The following TRANK1 variants were observed in gnomAD, a reference collection of about 807,000 sequenced individuals.
The protein encoded by TRANK1 is TPR and ankyrin repeat-containing protein 1.
Under a neutral mutation model 266.0 loss-of-function variants are expected in TRANK1, and 198 were observed. That is an observed-to-expected ratio of 0.74 (90% confidence interval 0.66 to 0.84). TRANK1 has a LOEUF of 0.84. Among genes scored for constraint, TRANK1 ranks in the 40% least tolerant of loss-of-function variants. The probability of loss-of-function intolerance (pLI) is 0.00; values close to 1 mark genes in which losing one functional copy is unlikely to be tolerated. For missense variants in TRANK1, 3,326 were observed against 3,634.6 expected (o/e 0.92, Z 2.18); for synonymous variants, 1,396 against 1,384.1 (o/e 1.01, Z -0.19).
chr3:36,881,145 T>C (rs568765899), intron 8 of TRANK1, among the ~76,000 whole-genome samples: 1 of 152,016 alleles, frequency 6.6e-6, no homozygotes, highest in South Asian at 2.1e-4. Context: ...TAACATAAAA[T>C]TCATTCTTTT....
chr3:36,850,081 A>G (rs2078966632), intron 15 of TRANK1: 1 of 985,458 alleles, frequency 1.0e-6, no homozygotes, highest in Non-Finnish European at 1.2e-6. Flanking sequence ...TTAAGTCCAG[A>G]GCTCCTTGAG....
intron 1 of TRANK1, among the ~76,000 whole-genome samples, chr3:36,930,555 T>C (rs2080348069): frequency 6.6e-6 from 1 of 152,042 alleles, no homozygotes; most frequent in African/African-American, 2.4e-5. Flanking sequence ...CTAATATACA[T>C]CATACACCAA....
chr3:36,879,515 T>TA (rs1299574148), intron 8 of TRANK1, among the ~76,000 whole-genome samples: 1 of 146,106 alleles, frequency 6.8e-6, no homozygotes, highest in African/African-American at 2.5e-5. Context: ...CACTAGCAAA[T>TA]AAAAAACCAA....
chr3:36,888,514 A>G (rs1293450131), intron 8 of TRANK1, among the ~76,000 whole-genome samples: 4 of 152,256 alleles, frequency 2.6e-5, no homozygotes, highest in African/African-American at 9.6e-5. Flanking sequence ...TCAAAAATCC[A>G]TAGACCCCTT....
intron 1 of TRANK1, among the ~76,000 whole-genome samples, chr3:36,908,772 T>G (rs1226817310): frequency 6.6e-6 from 1 of 152,220 alleles, no homozygotes; most frequent in African/African-American, 2.4e-5. Flanking sequence ...TCCCTGTAAC[T>G]GGCATTATTA....
At chr3:36,892,401 ACTC>A (rs1033276971) in intron 6 of TRANK1, 61 bp from the exon 7 acceptor site, 1 of 1,522,558 alleles carries the variant, frequency 6.6e-7, no homozygotes, top group Non-Finnish European at 8.8e-7. Context: ...GAAGCTTCAA[ACTC>A]CTTTACCCAT....
intron 1 of TRANK1, among the ~76,000 whole-genome samples, chr3:36,939,725 C>G (rs950120467): frequency 1.3e-5 from 2 of 152,246 alleles, no homozygotes; most frequent in East Asian, 1.9e-4. Context: ...CACTGCTGCC[C>G]CTTCATGAAG....
chr3:36,935,035 G>GC, intron 1 of TRANK1, among the ~76,000 whole-genome samples: 1 of 152,228 alleles, frequency 6.6e-6, no homozygotes, highest in African/African-American at 2.4e-5. Flanking sequence ...AAGACCATCA[G>GC]ATCATGTGCT....
At chr3:36,879,814 A>AT in intron 8 of TRANK1, among the ~76,000 whole-genome samples, 1 of 108,228 alleles carries the variant, frequency 9.2e-6, no homozygotes, top group Non-Finnish European at 1.8e-5. Flanking sequence ...AAATATATGT[A>AT]AATATACAAA....
At chr3:36,853,323 T>TAAGGTA (rs1262826855) in intron 13 of TRANK1, among the ~76,000 whole-genome samples, 2 of 152,162 alleles carry the variant, frequency 1.3e-5, no homozygotes. Context: ...CCAGGTGCCC[T>TAAGGTA]TTTCAAACAC....
At chr3:36,907,593 T>A (rs1029196216) in intron 2 of TRANK1, among the ~76,000 whole-genome samples, 11 of 149,282 alleles carry the variant, frequency 7.4e-5, no homozygotes, top group African/African-American at 2.5e-4. Flanking sequence ...CCCTCCGGAG[T>A]AGCTGGGACT....
chr3:36,837,753 C>G (rs1378527278), intron 20 of TRANK1, among the ~76,000 whole-genome samples: 4 of 152,222 alleles, frequency 2.6e-5, no homozygotes, highest in African/African-American at 9.6e-5. Context: ...TTGTAGCCTG[C>G]TGACCACTCT....
Position 36,857,976 on chromosome 3 carries a change from G to A in TRANK1, c.1746C>T (p.Leu582=), listed in dbSNP as rs527927253. The A allele has an allele frequency of 5.6e-6, 9 of 1,599,800 alleles. No homozygotes were observed. In the African/African-American group the frequency reaches 6.7e-5, roughly 12 times the overall value. ...FWSNPTEFDY[L]NPNVQDSNGN... ...CATTGCTGTCCTGGACATTGGGGTTGAGGTAGTCGAATTCAGTGGGGTTGG... is the reference window on the plus strand; with the variant it reads ...CATTGCTGTCCTGGACATTGGGGTTAAGGTAGTCGAATTCAGTGGGGTTGG... The change falls in exon 13 of 24, where the codon CTC becomes CTT. Residue 582 remains leucine (L), a synonymous_variant. Transcript: ENST00000645898. This position sits in a 1 kb window ranked among gnomAD's most constrained non-coding sequence, Gnocchi z 4.3.
chr3:36,836,178 G>A (rs565279057), intron 20 of TRANK1, among the ~76,000 whole-genome samples: 3 of 152,336 alleles, frequency 2.0e-5, no homozygotes, highest in Admixed American at 1.3e-4. Flanking sequence ...CCCAGAAAGC[G>A]AAGGGACTGT....
chr3:36,864,142 G>C (rs1168528513), intron 10 of TRANK1, among the ~76,000 whole-genome samples, 177 bp downstream of exon 10: 1 of 152,194 alleles, frequency 6.6e-6, no homozygotes, highest in African/African-American at 2.4e-5. Flanking sequence ...TTTAGGGGTT[G>C]AAGTTCAGGG....
At position 36,855,307 on chromosome 3, in the gene TRANK1, T is replaced by A; in HGVS notation, c.4415A>T (p.Lys1472Met). ...LTGDTAQSIM[K>M]GVAFRFSDLR... ...ATCGCTGAAGCGGAAGGCCACGCCCTTCATGATGCTCTGGGCCGTGTCCCC... is the reference window on the plus strand; with the variant it reads ...ATCGCTGAAGCGGAAGGCCACGCCCATCATGATGCTCTGGGCCGTGTCCCC... The change falls in exon 13 of 24, where the codon AAG becomes ATG. Residue 1472 changes from lysine (K) to methionine (M), a missense_variant. Physicochemically the swap from Lys to Met is moderately conservative, Grantham distance 95. Transcript: ENST00000645898. 1 of 1,614,050 alleles carries A rather than the reference T, an allele frequency of 6.2e-7. No individual in the cohort carries two copies. Among genetic ancestry groups the A allele is most frequent in the Non-Finnish European group, 8.5e-7 (1 of 1,179,892 alleles).
In TRANK1 at chr3:36,921,422, C is replaced by A. The variant is rs540980939; in HGVS notation, c.24-12968G>T. On this transcript the variant is annotated intron_variant, in intron 1 of 23. Transcript: ENST00000645898. ...TTTATGTTCCAGTGCTATTTCCTTG[C>A]GGCACCGAAAATTTATTTGTAACAT... 2.1e-4 allele frequency among the ~76,000 whole-genome samples: 32 copies of A among 152,276 alleles called. 1 individual carries two copies. Among genetic ancestry groups the A allele is most frequent in the African/African-American group, 7.0e-4 (29 of 41,552 alleles).
At chr3:36,864,536 T>C (rs1011742772) in intron 9 of TRANK1, 56 bp from the exon 10 acceptor site, 7 of 1,459,804 alleles carry the variant, frequency 4.8e-6, no homozygotes, top group Middle Eastern at 1.8e-4. Context: ...CTGTTACAGA[T>C]TGCAAAAATA....
chr3:36,891,960 C>T (rs1171526814), intron 7 of TRANK1, among the ~76,000 whole-genome samples: 1 of 152,218 alleles, frequency 6.6e-6, no homozygotes, highest in African/African-American at 2.4e-5. Context: ...CATCCTCCTG[C>T]CAGGATCTGC....
Sources: gnomAD v4.1 joint callset for allele counts (sites outside exome capture counted in the v4.1 genomes callset) on GRCh38, gnomAD v4.1.1 for gene constraint, Gnocchi (gnomAD v3.1) non-coding constraint, MANE v1.5 for transcripts, NCBI Gene and HGNC (gene_info 2026-07-23, HGNC 2026-07-21) for gene names.